DNM3: variants seen among roughly 807,000 people sequenced by gnomAD.
DNM3 encodes the protein dynamin 3.
A neutral mutation model predicts 101.6 loss-of-function variants in DNM3; 47 were observed. That is an observed-to-expected ratio of 0.46 (90% CI 0.37 to 0.59). The LOEUF (loss-of-function observed/expected upper bound fraction) is 0.59. Ranked by LOEUF, DNM3 falls within the 20% of genes least tolerant of loss-of-function variation. The pLI is 0.00. For synonymous variants in DNM3, 385 were observed against 387.9 expected (o/e 0.99, Z 0.09); for missense variants, 849 against 1,085.7 (o/e 0.78, Z 3.06).
chr1:171,918,066 G>A (rs972681865), intron 1 of DNM3, among the ~76,000 whole-genome samples: 1 of 152,172 alleles, frequency 6.6e-6, no homozygotes, highest in Non-Finnish European at 1.5e-5. Flanking sequence ...AACACCAAGA[G>A]GATAGTTCAA....
intron 4 of DNM3, among the ~76,000 whole-genome samples, chr1:171,995,868 C>T (rs1175645672): frequency 6.6e-6 from 1 of 152,080 alleles, no homozygotes; most frequent in Non-Finnish European, 1.5e-5. Context: ...TAATTATCGT[C>T]TTCTGAGAGG....
At chr1:171,990,700 T>C (rs1250598305) in intron 4 of DNM3, among the ~76,000 whole-genome samples, 3 of 152,138 alleles carry the variant, frequency 2.0e-5, no homozygotes, top group Non-Finnish European at 4.4e-5. Context: ...CAGCCAATTC[T>C]TTTATTTTCA....
intron 12 of DNM3, among the ~76,000 whole-genome samples, chr1:172,090,767 A>T (rs1431680500): frequency 6.6e-6 from 1 of 152,128 alleles, no homozygotes; most frequent in African/African-American, 2.4e-5. Context: ...TTTATTAAAA[A>T]CTTATTTTGA....
At chr1:171,965,564 A>G (rs921820830) in intron 2 of DNM3, among the ~76,000 whole-genome samples, 2 of 151,036 alleles carry the variant, frequency 1.3e-5, no homozygotes, top group South Asian at 2.1e-4. Flanking sequence ...AAAAAAAAAA[A>G]GGGTTGTTGC....
In DNM3 at chr1:172,166,357, A is replaced by C. The variant is rs565688480; in HGVS notation, c.1659+35069A>C. On this transcript the variant is annotated intron_variant, in intron 14 of 20. Coordinates refer to ENST00000627582, the MANE Select transcript of DNM3 (RefSeq NM_015569.5). ...TTCTTTCTCCTCTTCCAATTAATGTATATTTTTAATCATCATCACTAAAGT... is the reference window on the plus strand; with the variant it reads ...TTCTTTCTCCTCTTCCAATTAATGTCTATTTTTAATCATCATCACTAAAGT... Among the ~76,000 whole-genome samples, 3 of 152,230 alleles carry C rather than the reference A, an allele frequency of 2.0e-5. No homozygotes were observed. In the South Asian group the frequency reaches 6.2e-4, roughly 32 times the overall value.
At chr1:172,262,853 G>A (rs1000785314) in intron 15 of DNM3, among the ~76,000 whole-genome samples, 1 of 152,016 alleles carries the variant, frequency 6.6e-6, no homozygotes, top group Non-Finnish European at 1.5e-5. Flanking sequence ...GTGACCTTTG[G>A]AGGTTCCTGG....
intron 1 of DNM3, among the ~76,000 whole-genome samples, chr1:171,893,215 A>C (rs2037454134): frequency 6.6e-6 from 1 of 152,056 alleles, no homozygotes; most frequent in South Asian, 2.1e-4. Context: ...GATGTCCTTA[A>C]TTATTTTTGT....
chr1:172,382,848 G>C (rs1314809582), intron 18 of DNM3, among the ~76,000 whole-genome samples: 2 of 152,070 alleles, frequency 1.3e-5, no homozygotes, highest in East Asian at 1.9e-4. Context: ...TTGAAACATA[G>C]AGCCATTTCA....
chr1:172,128,592 A>G (rs2056767865), intron 13 of DNM3, among the ~76,000 whole-genome samples: 1 of 152,218 alleles, frequency 6.6e-6, no homozygotes, highest in African/African-American at 2.4e-5. Context: ...TTTGACATGC[A>G]ATAATTGTTT....
At chr1:172,259,314 C>T (rs2062547958) in intron 15 of DNM3, among the ~76,000 whole-genome samples, 1 of 151,992 alleles carries the variant, frequency 6.6e-6, no homozygotes, top group Non-Finnish European at 1.5e-5. Flanking sequence ...AATTTTCAGT[C>T]TAGATGATCT....
At chr1:171,989,256 C>G in intron 4 of DNM3, 108 bp downstream of exon 4, 1 of 909,088 alleles carries the variant, frequency 1.1e-6, no homozygotes, top group Non-Finnish European at 1.6e-6. Flanking sequence ...AATAAATTAG[C>G]CATTATTAAT....
intron 15 of DNM3, among the ~76,000 whole-genome samples, chr1:172,298,859 AAGAGAGAG>A (rs36121139): frequency 6.7e-6 from 1 of 148,908 alleles, no homozygotes; most frequent in African/African-American, 2.5e-5. Flanking sequence ...GAAAGAAAGA[AAGAGAGAG>A]AGAGAGAGAA....
At chr1:172,353,671 C>T (rs1345662353) in intron 17 of DNM3, among the ~76,000 whole-genome samples, 2 of 152,114 alleles carry the variant, frequency 1.3e-5, no homozygotes, top group Non-Finnish European at 2.9e-5. Context: ...TTTATGAACG[C>T]TCTCAATTTA....
chr1:172,097,776 C>T (rs1409393969), intron 13 of DNM3, among the ~76,000 whole-genome samples: 1 of 152,016 alleles, frequency 6.6e-6, no homozygotes, highest in Non-Finnish European at 1.5e-5. Flanking sequence ...TTCTATTTTC[C>T]CTAAATGTTG....
chr1:172,099,627 A>G (rs6425637), intron 13 of DNM3, among the ~76,000 whole-genome samples: 143,472 of 152,226 alleles, frequency 0.94, 67,676 homozygotes, highest in African/African-American at 0.95. Context: ...AAATGGGCAA[A>G]CCAGGGAACT....
intron 16 of DNM3, among the ~76,000 whole-genome samples, chr1:172,320,653 T>A (rs927331874): frequency 6.6e-6 from 1 of 152,184 alleles, no homozygotes; most frequent in African/African-American, 2.4e-5. Context: ...TCCCTTCTCT[T>A]AGGAAACTAT....
intron 2 of DNM3, among the ~76,000 whole-genome samples, chr1:171,930,693 C>T (rs936732407): frequency 6.6e-5 from 10 of 152,078 alleles, no homozygotes; most frequent in African/African-American, 2.4e-4. Flanking sequence ...GGGCCATTGT[C>T]CTGTCTTAGT....
chr1:171,960,356 A>G (rs2043138845), intron 2 of DNM3, among the ~76,000 whole-genome samples: 1 of 152,190 alleles, frequency 6.6e-6, no homozygotes, highest in Non-Finnish European at 1.5e-5. Flanking sequence ...AAGTTACCCC[A>G]TTTGGCATAC....
chr1:172,366,256 T>C (rs1204840669), intron 17 of DNM3, among the ~76,000 whole-genome samples: 1 of 151,746 alleles, frequency 6.6e-6, no homozygotes, highest in Non-Finnish European at 1.5e-5. Context: ...TAAATAAACA[T>C]GCTAAAGTAT....
Sources: gnomAD v4.1 joint callset for allele counts (sites outside exome capture counted in the v4.1 genomes callset) on GRCh38, gnomAD v4.1.1 for gene constraint, MANE v1.5 for transcripts, NCBI Gene and HGNC (gene_info 2026-07-23, HGNC 2026-07-21) for gene names.